Variants in TMEM163 observed in about 807,000 individuals in gnomAD.
TMEM163 encodes the protein transmembrane protein 163.
TMEM163 carries 17 observed loss-of-function variants against 29.3 expected under a neutral mutation model. That is an observed-to-expected ratio of 0.58 (90% CI 0.40 to 0.87). The LOEUF (loss-of-function observed/expected upper bound fraction) is 0.87, where lower values mean the gene tolerates loss of function less well. Among genes scored for constraint, TMEM163 ranks in the 40% least tolerant of loss-of-function variants. The pLI is 0.00. For synonymous variants in TMEM163, 157 were observed against 160.6 expected (o/e 0.98, Z 0.17); for missense variants, 303 against 381.5 (o/e 0.79, Z 1.71).
chr2:134,570,426 T>C (rs566900169), intron 2 of TMEM163, among the ~76,000 whole-genome samples: 3 of 151,770 alleles, frequency 2.0e-5, no homozygotes, highest in African/African-American at 7.3e-5. Flanking sequence ...ACTGGGGGCC[T>C]TGGAACATAG....
At chr2:134,489,319 C>T (rs559223609) in intron 5 of TMEM163, among the ~76,000 whole-genome samples, 35 of 151,728 alleles carry the variant, frequency 2.3e-4, no homozygotes, top group African/African-American at 7.7e-4. Flanking sequence ...ATGGTTCACA[C>T]CTGTAATCCC....
chr2:134,679,905 C>A (rs1173212326), intron 2 of TMEM163, among the ~76,000 whole-genome samples: 1 of 143,892 alleles, frequency 6.9e-6, no homozygotes, highest in Non-Finnish European at 1.5e-5. Flanking sequence ...CTTCTCTAAC[C>A]ACACCGGCTT....
intron 2 of TMEM163, among the ~76,000 whole-genome samples, chr2:134,556,651 C>G (rs1279909994): frequency 6.6e-6 from 1 of 152,056 alleles, no homozygotes. Flanking sequence ...GAGACCTCAT[C>G]TCTACAAAAA....
chr2:134,657,326 G>A (rs1238516271), intron 2 of TMEM163, among the ~76,000 whole-genome samples: 1 of 152,172 alleles, frequency 6.6e-6, no homozygotes, highest in Non-Finnish European at 1.5e-5. Flanking sequence ...GTCTTGGCAA[G>A]TTGTGTATAT....
intron 2 of TMEM163, among the ~76,000 whole-genome samples, chr2:134,603,090 C>T (rs1266019318): frequency 6.6e-6 from 1 of 152,126 alleles, no homozygotes; most frequent in Non-Finnish European, 1.5e-5. Context: ...CTTCTAGCCA[C>T]CTGAATTACA....
At chr2:134,696,073 T>A (rs1230939545) in intron 2 of TMEM163, among the ~76,000 whole-genome samples, 1 of 151,220 alleles carries the variant, frequency 6.6e-6, no homozygotes, top group Non-Finnish European at 1.5e-5. Flanking sequence ...AAAAAAGGTT[T>A]AAATTCTTTC....
At chr2:134,528,380 C>T (rs1680340439) in intron 4 of TMEM163, among the ~76,000 whole-genome samples, 1 of 152,172 alleles carries the variant, frequency 6.6e-6, no homozygotes, top group Admixed American at 6.5e-5. Context: ...ATCTAACTGG[C>T]CTAACTCCAT....
intron 2 of TMEM163, among the ~76,000 whole-genome samples, chr2:134,586,775 G>T (rs1681831890): frequency 6.6e-6 from 1 of 152,312 alleles, no homozygotes; most frequent in East Asian, 1.9e-4. Flanking sequence ...GGAAGCACCA[G>T]TGTGGGCTGT....
Position 134,713,331 on chromosome 2 carries a change from A to C in TMEM163, c.203-12T>G, listed in dbSNP as rs781678368. Reference sequence around the variant, plus strand: ...GCTTTCTAGTAAGCCTGACAAAAACAAGGAGAAAGGGAAGTTAGACATTTC... The same window carrying C: ...GCTTTCTAGTAAGCCTGACAAAAACCAGGAGAAAGGGAAGTTAGACATTTC... On this transcript the variant is annotated splice_polypyrimidine_tract_variant and intron_variant, in intron 1 of 7. Transcript: ENST00000281924. 8.1e-6 allele frequency: 13 copies of C among 1,613,082 alleles called. No individual in the cohort carries two copies. The highest frequency in any genetic ancestry group is 1.7e-5 in the Admixed American group (1 of 59,734).
intron 4 of TMEM163, among the ~76,000 whole-genome samples, chr2:134,523,517 G>GA (rs950483920): frequency 2.6e-5 from 4 of 152,118 alleles, no homozygotes; most frequent in Non-Finnish European, 5.9e-5. Context: ...CCATTACTGA[G>GA]AAAACCTAGA....
intron 2 of TMEM163, among the ~76,000 whole-genome samples, chr2:134,587,508 A>G (rs1027510675): frequency 5.9e-5 from 9 of 152,188 alleles, no homozygotes; most frequent in Non-Finnish European, 8.8e-5. Context: ...CTCAGTCCCC[A>G]AGGCCAGCCT....
At chr2:134,706,285 C>T (rs1433713824) in intron 2 of TMEM163, among the ~76,000 whole-genome samples, 3 of 152,114 alleles carry the variant, frequency 2.0e-5, no homozygotes, top group Non-Finnish European at 4.4e-5. Context: ...CTCCTTGTTT[C>T]CTTTGTCTGG....
At chr2:134,641,842 A>C (rs1683227166) in intron 2 of TMEM163, among the ~76,000 whole-genome samples, 1 of 152,194 alleles carries the variant, frequency 6.6e-6, no homozygotes, top group Non-Finnish European at 1.5e-5. Context: ...CAGACTACTC[A>C]CCTCAAATAT....
intron 4 of TMEM163, among the ~76,000 whole-genome samples, chr2:134,516,780 C>CATATATATATGCATATATATGAATAG (rs6146922): frequency 2.2e-5 from 3 of 139,460 alleles, no homozygotes; most frequent in African/African-American, 2.7e-5. Context: ...CATATCTATT[C>CATATATATATGCATATATATGAATAG]ATATATATAT....
chr2:134,639,523 A>G (rs1024717506), intron 2 of TMEM163, among the ~76,000 whole-genome samples: 15 of 152,168 alleles, frequency 9.9e-5, no homozygotes, highest in African/African-American at 2.4e-4. Context: ...CCAATCCCCA[A>G]TGGTGTTTCT....
chr2:134,707,772 T>C (rs1206458459), intron 2 of TMEM163, among the ~76,000 whole-genome samples: 6 of 151,850 alleles, frequency 4.0e-5, no homozygotes, highest in Non-Finnish European at 8.8e-5. Flanking sequence ...AGGGGAGTTG[T>C]CAATGAGGAG....
intron 6 of TMEM163, among the ~76,000 whole-genome samples, chr2:134,465,342 T>G (rs1421877418): frequency 2.6e-5 from 4 of 152,216 alleles, no homozygotes; most frequent in Admixed American, 2.6e-4. Flanking sequence ...TCCACATATT[T>G]CTGCTCTATT....
At chr2:134,707,084 C>T (rs1317498582) in intron 2 of TMEM163, among the ~76,000 whole-genome samples, 4 of 152,216 alleles carry the variant, frequency 2.6e-5, no homozygotes, top group East Asian at 1.9e-4. Flanking sequence ...CTCAGAACAC[C>T]GCCAGGATGT....
intron 2 of TMEM163, among the ~76,000 whole-genome samples, chr2:134,629,258 A>C (rs1682918628): frequency 6.6e-6 from 1 of 152,202 alleles, no homozygotes; most frequent in African/African-American, 2.4e-5. Flanking sequence ...CAGCACTCTT[A>C]AGCAATGCAC....
Sources: allele counts gnomAD v4.1 joint callset (sites outside exome capture counted in the v4.1 genomes callset), GRCh38; gene constraint gnomAD v4.1.1; transcripts MANE v1.5; gene names NCBI Gene and HGNC (gene_info 2026-07-23, HGNC 2026-07-21).